Variants in PDE9A observed in about 807,000 individuals in gnomAD.
PDE9A encodes phosphodiesterase 9A.
A neutral mutation model predicts 87.4 loss-of-function variants in PDE9A; 60 were observed. The ratio of observed to expected loss-of-function variants is 0.69; its 90% CI spans 0.56 to 0.85. The LOEUF (loss-of-function observed/expected upper bound fraction) is 0.85. Ranked by LOEUF, PDE9A falls within the 40% of genes least tolerant of loss-of-function variation. PDE9A has a pLI of 0.00. For missense variants in PDE9A, 665 were observed against 779.0 expected (o/e 0.85, Z 1.74); for synonymous variants, 272 against 279.4 (o/e 0.97, Z 0.27).
intron 4 of PDE9A, among the ~76,000 whole-genome samples, chr21:42,703,018 T>G (rs1416263373): frequency 3.9e-5 from 6 of 152,130 alleles, no homozygotes; most frequent in Non-Finnish European, 7.4e-5. Flanking sequence ...GCTATTTTTT[T>G]GGGAGGAGGC....
intron 1 of PDE9A, among the ~76,000 whole-genome samples, chr21:42,679,136 C>G (rs906564106): frequency 5.3e-5 from 8 of 152,198 alleles, no homozygotes; most frequent in African/African-American, 1.9e-4. Context: ...CCAAGGTGAG[C>G]CCTGGTTCCT....
In PDE9A at chr21:42,672,330, G is replaced by T. The variant is rs550547712; in HGVS notation, c.70-13862G>T. Reference sequence around the variant, plus strand: ...CTCTCTCTTGTCTGTCCTCGTCTGTGGGGGAATGAAGATGACACAGCACTC... The same window carrying T: ...CTCTCTCTTGTCTGTCCTCGTCTGTTGGGGAATGAAGATGACACAGCACTC... On this transcript the variant is annotated intron_variant, in intron 1 of 19. Coordinates refer to ENST00000291539, the MANE Select transcript of PDE9A (RefSeq NM_002606.3). 5.0e-3 allele frequency among the ~76,000 whole-genome samples: 760 copies of T among 152,320 alleles called. 10 individuals are homozygous for T. The highest frequency in any genetic ancestry group is 0.018 in the African/African-American group (730 of 41,568).
At chr21:42,750,445 C>T (rs528994574) in intron 8 of PDE9A, among the ~76,000 whole-genome samples, 1 of 150,976 alleles carries the variant, frequency 6.6e-6, no homozygotes, top group African/African-American at 2.4e-5. Flanking sequence ...AAAGTGAGGA[C>T]TTCGGTTTTC....
intron 4 of PDE9A, among the ~76,000 whole-genome samples, chr21:42,707,003 C>T (rs965163878): frequency 2.0e-5 from 3 of 152,096 alleles, no homozygotes; most frequent in African/African-American, 4.8e-5. Flanking sequence ...GGCTGTGTCA[C>T]GTGGCTACGT....
intron 8 of PDE9A, among the ~76,000 whole-genome samples, chr21:42,750,807 G>A (rs564517339): frequency 2.0e-4 from 31 of 151,720 alleles, no homozygotes; most frequent in African/African-American, 5.8e-4. Flanking sequence ...GGATGGTCTC[G>A]ATCTCCTGAC....
intron 4 of PDE9A, among the ~76,000 whole-genome samples, chr21:42,717,908 TG>T (rs2050109768): frequency 6.6e-6 from 1 of 151,588 alleles, no homozygotes; most frequent in South Asian, 2.1e-4. Context: ...GGGGTTTGTT[TG>T]TTTGTTTGTT....
Position 42,718,152 on chromosome 21 carries a change from C to T in PDE9A, c.263-13618C>T, listed in dbSNP as rs537191980. On this transcript the variant is annotated intron_variant, in intron 4 of 19. Coordinates refer to ENST00000291539, the MANE Select transcript of PDE9A (RefSeq NM_002606.3). ...TTGACCTCAGGTGATCCACCCACCT[C>T]GGGCTCCCAAAGTGCTAGGATTACA... Among the ~76,000 whole-genome samples the T allele has an allele frequency of 3.2e-4, 48 of 151,820 alleles. 3 individuals carry two copies. In the South Asian group the frequency reaches 8.3e-3, roughly 26 times the overall value.
Position 42,705,605 on chromosome 21 carries a change from G to A in PDE9A, c.262+6594G>A, listed in dbSNP as rs891502290. ...AGGGGATTGTGTCTTTTTGACCAGA[G>A]CGTTAGGGAAAGCGTGCTGCAGTCA... On this transcript the variant is annotated intron_variant, in intron 4 of 19. Transcript: ENST00000291539. The surrounding 1 kb of genome is among the most constrained non-coding windows in gnomAD (Gnocchi z 4.3). Among the ~76,000 whole-genome samples the A allele has an allele frequency of 3.3e-5, 5 of 152,182 alleles. No individual in the cohort carries two copies. In the South Asian group the frequency reaches 1.0e-3, roughly 32 times the overall value.
intron 13 of PDE9A, 99 bp downstream of exon 13, chr21:42,761,006 T>C: frequency 1.3e-6 from 1 of 796,752 alleles, no homozygotes. Flanking sequence ...CAGATGGAGC[T>C]GTCAACGACG....
rs140304122 is a variant in PDE9A at position 42,769,075 on chromosome 21, C to T, written c.1510C>T (p.Arg504Ter). 6.8e-6 allele frequency: 11 copies of T among 1,613,696 alleles called. No individual in the cohort carries two copies. The highest frequency in any genetic ancestry group is 2.7e-5 in the African/African-American group (2 of 75,028). Residue 504 changes from arginine (R) to a stop codon, truncating the protein, a stop_gained, in exon 17 of 20, where the codon CGA (arginine) becomes TGA (stop). Transcript: ENST00000291539. LOFTEE classifies it high-confidence loss of function. ...EGLPVAPFMD[R>*]DKVTKATAQI... is the part of the protein sequence containing the mutation. ...CCTTCCTGTGGCACCGTTCATGGAC[C>T]GAGACAAAGTGACCAAGGCCACAGC...
intron 4 of PDE9A, chr21:42,700,717 T>A (rs2048319999): frequency 6.6e-6 from 1 of 152,218 alleles, no homozygotes; most frequent in African/African-American, 2.4e-5. Context: ...CAGCACCATT[T>A]GTTGAAAAGA....
chr21:42,664,909 G>T (rs1260465019), intron 1 of PDE9A, among the ~76,000 whole-genome samples: 3 of 152,224 alleles, frequency 2.0e-5, no homozygotes, highest in Non-Finnish European at 4.4e-5. Flanking sequence ...GTTGAATTGT[G>T]TCTCCCAAAA....
At chr21:42,690,977 A>G (rs1214582683) in intron 3 of PDE9A, among the ~76,000 whole-genome samples, 1 of 151,484 alleles carries the variant, frequency 6.6e-6, no homozygotes, top group Non-Finnish European at 1.5e-5. Context: ...CATCACCATC[A>G]CCATCCAGAG....
chr21:42,709,838 G>A (rs976698959), intron 4 of PDE9A, among the ~76,000 whole-genome samples: 3 of 152,074 alleles, frequency 2.0e-5, no homozygotes, highest in Non-Finnish European at 4.4e-5. Flanking sequence ...CGCTGGTGTC[G>A]AACTCCTGGG....
intron 14 of PDE9A, among the ~76,000 whole-genome samples, chr21:42,763,806 T>C (rs1041085246): frequency 6.6e-6 from 1 of 152,222 alleles, no homozygotes; most frequent in Non-Finnish European, 1.5e-5. Flanking sequence ...TGAGCCTCCC[T>C]TTATCAGAGA....
rs2057224519 is a variant in PDE9A, at chr21:42,773,589, G to GGTC, written c.1768+1069_1768+1070insGTC. On this transcript the variant is annotated intron_variant, in intron 19 of 19. Coordinates refer to ENST00000291539, the MANE Select transcript of PDE9A (RefSeq NM_002606.3). ...TTGGGAGGCCAAGGCGGCGGATCAC[G>GGTC]AGGAGATCGAGACCATCCTGGCTAA... Among the ~76,000 whole-genome samples, 118 of 150,980 alleles carry GGTC rather than the reference G, an allele frequency of 7.8e-4. 2 individuals are homozygous for GGTC. In the South Asian group the frequency reaches 0.021, roughly 27 times the overall value.
At chr21:42,706,153 G>A (rs185671839) in intron 4 of PDE9A, among the ~76,000 whole-genome samples, 2 of 152,314 alleles carry the variant, frequency 1.3e-5, no homozygotes, top group Non-Finnish European at 2.9e-5. Context: ...CCCCACATGA[G>A]AGTTCCCCCA....
chr21:42,755,292 C>A lies in PDE9A; in HGVS notation c.810+1228C>A, dbSNP rs747413609. Among the ~76,000 whole-genome samples, 4 of 152,250 alleles carry A rather than the reference C, an allele frequency of 2.6e-5. No homozygotes were observed. The East Asian group carries it at 5.8e-4, about 22-fold the overall frequency. Reference sequence around the variant, plus strand: ...ACCCCTGAGGCCAGGCTGCTGACACCTGGGGCACTGCCCTCTCCTAAGTGA... The same window carrying A: ...ACCCCTGAGGCCAGGCTGCTGACACATGGGGCACTGCCCTCTCCTAAGTGA... On this transcript the variant is annotated intron_variant, in intron 10 of 19. Coordinates refer to ENST00000291539, the MANE Select transcript of PDE9A (RefSeq NM_002606.3).
rs575770048 is a variant in PDE9A, at chr21:42,730,625, T to C, written c.263-1145T>C. ...TTTTCAAAAGCAGGATCACTCTCTA[T>C]GACTGCTTTAAAATCTTTTTTTTGT... On this transcript the variant is annotated intron_variant, in intron 4 of 19. Transcript: ENST00000291539. Among the ~76,000 whole-genome samples the C allele has an allele frequency of 3.3e-5, 5 of 152,362 alleles. No homozygotes were observed. In the East Asian group the frequency reaches 7.7e-4, roughly 24 times the overall value.
Sources: gnomAD v4.1 joint callset for allele counts (sites outside exome capture counted in the v4.1 genomes callset) on GRCh38, gnomAD v4.1.1 for gene constraint, Gnocchi (gnomAD v3.1) non-coding constraint, MANE v1.5 for transcripts, NCBI Gene and HGNC (gene_info 2026-07-23, HGNC 2026-07-21) for gene names.